The following CD44 variants were observed in gnomAD, a reference collection of about 807,000 sequenced individuals.
CD44 encodes CD44 molecule (IN blood group).
In CD44, 49 loss-of-function variants were observed where a neutral mutation model predicts 88.8. That is an observed-to-expected ratio of 0.55 (90% confidence interval 0.44 to 0.70). CD44 has a LOEUF of 0.70. CD44 is among the 30% of genes least tolerant of loss of function. The pLI is 0.00. For missense variants in CD44, 883 were observed against 913.8 expected (o/e 0.97, Z 0.43); for synonymous variants, 325 against 312.3 (o/e 1.04, Z -0.43).
At position 35,229,180 on chromosome 11, in the gene CD44, G is replaced by A; in HGVS notation, c.2076G>A (p.Glu692=). Residue 692 remains glutamate, a synonymous_variant, in exon 18 of 18, where the codon GAG becomes GAA. Coordinates refer to ENST00000428726, the MANE Select transcript of CD44 (RefSeq NM_000610.4). ...TCAACAGTGGCAATGGAGCTGTGGA[G>A]GACAGAAAGCCAAGTGGACTCAACG... The part of the protein sequence containing the change: ...LVINSGNGAV[E]DRKPSGLNGE... 6.2e-7 allele frequency: 1 copy of A among 1,614,068 alleles called. No homozygotes were observed. The highest frequency in any genetic ancestry group is 8.5e-7 in the Non-Finnish European group (1 of 1,179,948).
intron 3 of CD44, among the ~76,000 whole-genome samples, chr11:35,185,795 A>C (rs1251238374): frequency 2.6e-5 from 4 of 152,248 alleles, no homozygotes; most frequent in African/African-American, 9.6e-5. Context: ...TTTAGAGCTC[A>C]ATACAAGGTA....
At chr11:35,167,302 T>C (rs968693944) in intron 1 of CD44, among the ~76,000 whole-genome samples, 1 of 152,188 alleles carries the variant, frequency 6.6e-6, no homozygotes, top group Non-Finnish European at 1.5e-5. Flanking sequence ...TGTTTTGTTT[T>C]GTTTTTTAAC....
chr11:35,181,907 ATATATAT>A (rs1172276514), intron 3 of CD44, among the ~76,000 whole-genome samples: 4 of 56,822 alleles, frequency 7.0e-5, no homozygotes, highest in South Asian at 4.3e-4. Context: ...ATAATATATA[ATATATAT>A]TATATATTAT....
At chr11:35,181,961 A>ATATAT (rs1945161210) in intron 3 of CD44, among the ~76,000 whole-genome samples, 5 of 107,820 alleles carry the variant, frequency 4.6e-5, no homozygotes, top group African/African-American at 3.8e-5. Context: ...TATAAATTTT[A>ATATAT]TATATATAAA....
chr11:35,186,431 A>T (rs1945684454), intron 3 of CD44, among the ~76,000 whole-genome samples: 1 of 152,072 alleles, frequency 6.6e-6, no homozygotes, highest in Non-Finnish European at 1.5e-5. Context: ...TTACTTTTAA[A>T]TTTTTTTACA....
chr11:35,211,399 C>T lies in CD44; in HGVS notation c.1760C>T (p.Thr587Ile), dbSNP rs766749617. ...TSAKTGSFGV[T>I]AVTVGDSNSN... ...GCTAAGACTGGGTCCTTTGGAGTTA[C>T]TGCAGTTACTGTTGGAGATTCCAAC... Residue 587 changes from threonine (T) to isoleucine (I), a missense_variant, in exon 14 of 18, where the codon ACT becomes ATT. This residue lies in a region of CD44 where 631 missense variants were observed against 590.9 expected (regional missense o/e 1.07). Coordinates refer to ENST00000428726, the MANE Select transcript of CD44 (RefSeq NM_000610.4). 2 of 1,613,918 alleles carry T rather than the reference C, an allele frequency of 1.2e-6. No homozygotes were observed. The highest frequency in any genetic ancestry group is 1.7e-6 in the Non-Finnish European group (2 of 1,179,944).
At chr11:35,227,347 G>A (rs376189142) in intron 17 of CD44, among the ~76,000 whole-genome samples, 10 of 152,076 alleles carry the variant, frequency 6.6e-5, no homozygotes, top group South Asian at 2.1e-4. Context: ...CACCACAGCC[G>A]GCTTATCTTT....
chr11:35,140,033 A>G (rs1351909578), intron 1 of CD44, among the ~76,000 whole-genome samples: 1 of 152,220 alleles, frequency 6.6e-6, no homozygotes, highest in East Asian at 1.9e-4. Context: ...GAGCATGAAT[A>G]TGAGAGGCAA....
intron 15 of CD44, among the ~76,000 whole-genome samples, chr11:35,218,716 C>T (rs914754437): frequency 6.6e-6 from 1 of 152,000 alleles, no homozygotes; most frequent in Non-Finnish European, 1.5e-5. Flanking sequence ...CCCTGGGGGT[C>T]TTGTTAAAAT....
intron 1 of CD44, among the ~76,000 whole-genome samples, chr11:35,157,504 A>G (rs2133274766): frequency 6.6e-6 from 1 of 151,968 alleles, no homozygotes; most frequent in Admixed American, 6.6e-5. Context: ...AATTGTCTCT[A>G]TCTTTATCTA....
chr11:35,145,904 G>A (rs1201779833), intron 1 of CD44, among the ~76,000 whole-genome samples: 1 of 152,164 alleles, frequency 6.6e-6, no homozygotes, highest in Admixed American at 6.5e-5. Flanking sequence ...ACATCCGACG[G>A]GGAGCCACTT....
intron 6 of CD44, chr11:35,197,343 C>A (rs1946854929): frequency 6.6e-6 from 1 of 152,528 alleles, no homozygotes; most frequent in African/African-American, 2.4e-5. Context: ...GCCTGAATCT[C>A]ATTTAAAATG....
Position 35,229,292 on chromosome 11 carries a change from A to T in CD44, c.2188A>T (p.Thr730Ser), listed in dbSNP as rs188636640. 6.2e-7 allele frequency: 1 copy of T among 1,613,782 alleles called. No homozygotes were observed. Among genetic ancestry groups the T allele is most frequent in the South Asian group, 1.1e-5 (1 of 91,082 alleles). ...TPDQFMTADETRNLQNVDMKI... is the reference protein window; with the variant it reads ...TPDQFMTADESRNLQNVDMKI... ...AGACCAGTTTATGACAGCTGATGAGACAAGGAACCTGCAGAATGTGGACAT... is the reference window on the plus strand; with the variant it reads ...AGACCAGTTTATGACAGCTGATGAGTCAAGGAACCTGCAGAATGTGGACAT... Residue 730 changes from threonine to serine, a missense_variant, in exon 18 of 18, where the codon ACA becomes TCA. Around this residue, in one of 2 missense-constraint regions of CD44, gnomAD observed 631 missense variants for 590.9 expected, o/e 1.07. Coordinates refer to ENST00000428726, the MANE Select transcript of CD44 (RefSeq NM_000610.4).
chr11:35,214,690 A>G (rs1948677944), intron 14 of CD44, 162 bp from the exon 15 acceptor site: 2 of 406,422 alleles, frequency 4.9e-6, no homozygotes, highest in South Asian at 2.3e-4. Context: ...AACGGTAATT[A>G]ACATTGTGGA....
intron 1 of CD44, among the ~76,000 whole-genome samples, chr11:35,170,517 C>T (rs1943757742): frequency 6.6e-6 from 1 of 152,152 alleles, no homozygotes; most frequent in Non-Finnish European, 1.5e-5. Context: ...CACGGGAAGT[C>T]TCCTCTCCAA....
intron 2 of CD44, among the ~76,000 whole-genome samples, chr11:35,177,936 T>A (rs1944629000): frequency 6.6e-6 from 1 of 152,226 alleles, no homozygotes; most frequent in South Asian, 2.1e-4. Context: ...TTAGAGAACA[T>A]TTCCATCATT....
chr11:35,222,760 G>A (rs1018647142), intron 17 of CD44: 13 of 981,224 alleles, frequency 1.3e-5, no homozygotes, highest in African/African-American at 1.7e-5. Flanking sequence ...TCTCCAGGAC[G>A]TAATTCATAG....
chr11:35,210,582 T>C (rs1174291136), intron 13 of CD44: 1 of 152,448 alleles, frequency 6.6e-6, no homozygotes, highest in African/African-American at 2.4e-5. Context: ...TTGAGTGAGT[T>C]TCTTAGTCTT....
chr11:35,159,727 CA>C (rs1203064369), intron 1 of CD44, among the ~76,000 whole-genome samples: 1 of 152,190 alleles, frequency 6.6e-6, no homozygotes, highest in African/African-American at 2.4e-5. Flanking sequence ...AGTTTACAGG[CA>C]GAGAAACTGA....
Sources: allele counts gnomAD v4.1 joint callset (sites outside exome capture counted in the v4.1 genomes callset), GRCh38; gene constraint gnomAD v4.1.1; regional missense constraint gnomAD v4.1.1; transcripts MANE v1.5; gene names NCBI Gene and HGNC (gene_info 2026-07-23, HGNC 2026-07-21).